NDUFV2: variants seen among roughly 807,000 people sequenced by gnomAD.
NDUFV2 encodes the protein NADH dehydrogenase [ubiquinone] flavoprotein 2, mitochondrial.
NDUFV2 carries 18 observed loss-of-function variants against 31.6 expected under a neutral mutation model. That is an observed-to-expected ratio of 0.57 (90% CI 0.39 to 0.84). The LOEUF is 0.84. Among genes scored for constraint, NDUFV2 ranks in the 40% least tolerant of loss-of-function variants. NDUFV2 has a pLI of 0.00. For missense variants in NDUFV2, 314 were observed against 303.6 expected (o/e 1.03, Z -0.26); for synonymous variants, 83 against 99.8 (o/e 0.83, Z 1.01).
At chr18:9,133,674 G>C (rs2078059858) in intron 7 of NDUFV2, among the ~76,000 whole-genome samples, 1 of 152,176 alleles carries the variant, frequency 6.6e-6, no homozygotes. Context: ...ATAAGTGTGT[G>C]TATTCCCTCT....
chr18:9,104,028 G>A, intron 1 of NDUFV2: 1 of 903,714 alleles, frequency 1.1e-6, no homozygotes, highest in South Asian at 2.0e-5. Flanking sequence ...TTAAGGTTGA[G>A]ACAATGTAAA....
At position 9,124,446 on chromosome 18, in the gene NDUFV2, AC is replaced by A. The variant is rs1204538977; in HGVS notation, c.470-427del. Reference sequence around the variant, plus strand: ...CCTAGGATTTTTTTCTTTTTAAAAAACTTTTTTTTTTTTTTTTTTGGAGATG... The same window carrying A: ...CCTAGGATTTTTTTCTTTTTAAAAAATTTTTTTTTTTTTTTTTTGGAGATG... On this transcript the variant is annotated intron_variant, in intron 5 of 7. Coordinates refer to ENST00000318388, the MANE Select transcript of NDUFV2 (RefSeq NM_021074.5). Among the ~76,000 whole-genome samples the A allele has an allele frequency of 5.6e-5, 7 of 125,708 alleles. No homozygotes were observed. In the South Asian group the frequency reaches 1.5e-3, roughly 27 times the overall value. 82.5% of individuals were successfully genotyped at this position (125,708 alleles called of 152,430 possible).
chr18:9,132,732 A>G (rs755987937), intron 7 of NDUFV2, among the ~76,000 whole-genome samples: 2 of 152,126 alleles, frequency 1.3e-5, no homozygotes, highest in Non-Finnish European at 2.9e-5. Context: ...AAAATTAGCC[A>G]GGCATGGTGA....
At chr18:9,125,146 C>A in intron 6 of NDUFV2, 163 bp downstream of exon 6, 2 of 746,648 alleles carry the variant, frequency 2.7e-6, no homozygotes, top group Non-Finnish European at 4.2e-6. Context: ...AACATTTTTG[C>A]ATTTAACTTC....
At chr18:9,122,922 T>G (rs2077951148) in intron 5 of NDUFV2, among the ~76,000 whole-genome samples, 1 of 152,262 alleles carries the variant, frequency 6.6e-6, no homozygotes. Flanking sequence ...TTTGAAATGC[T>G]TGTAGAAGTT....
chr18:9,125,950 A>G (rs1315568166), intron 6 of NDUFV2, among the ~76,000 whole-genome samples: 4 of 152,290 alleles, frequency 2.6e-5, no homozygotes, highest in African/African-American at 7.2e-5. Context: ...TGTAGCTTAC[A>G]TGGTCTCTTG....
Position 9,122,697 on chromosome 18 carries a change from T to C in NDUFV2, c.469+16T>C, listed in dbSNP as rs753238759. ...AAAAAGCTTGGTAGGGAATACATGA[T>C]ATTTGTAACACTGATAAAAAGTAGA... On this transcript the variant is annotated intron_variant, in intron 5 of 7. Transcript: ENST00000318388. The C allele has an allele frequency of 6.2e-7, 1 of 1,612,946 alleles. No individual in the cohort carries two copies. The highest frequency in any genetic ancestry group is 1.1e-5 in the South Asian group (1 of 90,998).
intron 4 of NDUFV2, among the ~76,000 whole-genome samples, chr18:9,121,988 T>C (rs2077940321): frequency 6.6e-6 from 1 of 152,206 alleles, no homozygotes; most frequent in Non-Finnish European, 1.5e-5. Context: ...TATAAAATTT[T>C]GAGTTTACAT....
At chr18:9,102,861 T>G in intron 1 of NDUFV2, 64 bp downstream of exon 1, 1 of 1,502,794 alleles carries the variant, frequency 6.7e-7, no homozygotes, top group Non-Finnish European at 8.9e-7. Flanking sequence ...GTGTCTCCCT[T>G]AGTTTTGGGC....
At chr18:9,127,231 C>G (rs2143077555) in intron 7 of NDUFV2, among the ~76,000 whole-genome samples, 1 of 152,286 alleles carries the variant, frequency 6.6e-6, no homozygotes, top group Non-Finnish European at 1.5e-5. Context: ...CAATTCTGCC[C>G]TTTGAATCAA....
At chr18:9,119,026 T>C (rs2077915345) in intron 2 of NDUFV2, among the ~76,000 whole-genome samples, 1 of 152,100 alleles carries the variant, frequency 6.6e-6, no homozygotes, top group Non-Finnish European at 1.5e-5. Flanking sequence ...TCAGAAGATC[T>C]TACTCTCTAA....
intron 1 of NDUFV2, chr18:9,103,859 T>C (rs2077827513): frequency 9.7e-6 from 3 of 310,346 alleles, no homozygotes; most frequent in South Asian, 5.5e-5. Context: ...ATGATAGTCA[T>C]TTGATAACTG....
At chr18:9,117,727 T>C (rs972916923) in intron 1 of NDUFV2, 111 bp from the exon 2 acceptor site, 9 of 695,114 alleles carry the variant, frequency 1.3e-5, no homozygotes, top group African/African-American at 1.3e-4. Context: ...TTTCTTAAGA[T>C]CTTTTATAAG....
At position 9,104,263 on chromosome 18, in the gene NDUFV2, G is replaced by T. The variant is rs750468357; in HGVS notation, c.54+1466G>T. ...CCCAAATGAAATAAGGGAGAGACAG[G>T]GGCCAGATATTGGAGCTCCTGGCGT... On this transcript the variant is annotated intron_variant, in intron 1 of 7. Coordinates refer to ENST00000318388, the MANE Select transcript of NDUFV2 (RefSeq NM_021074.5). 3 of 1,612,536 alleles carry T rather than the reference G, an allele frequency of 1.9e-6. No homozygotes were observed. In the South Asian group the frequency reaches 3.3e-5, roughly 18 times the overall value.
intron 5 of NDUFV2, 73 bp from the exon 6 acceptor site, chr18:9,124,800 TC>T (rs918597988): frequency 9.9e-5 from 132 of 1,335,130 alleles, no homozygotes; most frequent in East Asian, 1.3e-4. Flanking sequence ...CTATAAAAAT[TC>T]TTTTTTTTTT....
In NDUFV2 at chr18:9,102,720, G is replaced by A. The variant is rs1249525609; in HGVS notation, c.-24G>A. 6.3e-7 allele frequency: 1 copy of A among 1,578,170 alleles called. No individual in the cohort carries two copies. The highest frequency in any genetic ancestry group is 1.4e-5 in the African/African-American group (1 of 73,156). On this transcript the variant is annotated 5_prime_UTR_variant, in exon 1 of 8. Coordinates refer to ENST00000318388, the MANE Select transcript of NDUFV2 (RefSeq NM_021074.5). Reference sequence around the variant, plus strand: ...CGGGATTCTCGCCTGGCGCGGCTGGGGAAGGTGAACAGTGTGGCCCGCCAT... The same window carrying A: ...CGGGATTCTCGCCTGGCGCGGCTGGAGAAGGTGAACAGTGTGGCCCGCCAT...
At chr18:9,118,582 C>G (rs2077911008) in intron 2 of NDUFV2, among the ~76,000 whole-genome samples, 1 of 152,004 alleles carries the variant, frequency 6.6e-6, no homozygotes. Context: ...GGCTTATGTC[C>G]TTTAAAAAGC....
At position 9,122,726 on chromosome 18, in the gene NDUFV2, G is replaced by C. The variant is rs777732402; in HGVS notation, c.469+45G>C. ...TGTAACACTGATAAAAAGTAGAATT[G>C]TCTCTCTAGATTTGGTACATTTCTA... On this transcript the variant is annotated intron_variant, in intron 5 of 7. Transcript: ENST00000318388. The C allele has an allele frequency of 7.5e-6, 12 of 1,595,604 alleles. No individual in the cohort carries two copies. In the South Asian group the frequency reaches 8.9e-5, roughly 12 times the overall value.
intron 1 of NDUFV2, among the ~76,000 whole-genome samples, chr18:9,113,684 T>C (rs184808777): frequency 5.4e-4 from 83 of 152,322 alleles, no homozygotes; most frequent in Non-Finnish European, 1.3e-4. Flanking sequence ...CCTGACCTAA[T>C]TGGTTATTTA....
Sources: allele counts gnomAD v4.1 joint callset (sites outside exome capture counted in the v4.1 genomes callset), GRCh38; gene constraint gnomAD v4.1.1; transcripts MANE v1.5; gene names NCBI Gene and HGNC (gene_info 2026-07-23, HGNC 2026-07-21).